FHOD3: variants seen among roughly 807,000 people sequenced by gnomAD.
FHOD3 encodes FH1/FH2 domain-containing protein 3.
A neutral mutation model predicts 173.0 loss-of-function variants in FHOD3; 90 were observed. The ratio of observed to expected loss-of-function variants is 0.52; its 90% CI spans 0.44 to 0.62. The LOEUF is 0.62. FHOD3 is among the 20% of genes least tolerant of loss of function. The pLI, the probability that FHOD3 is intolerant of heterozygous loss-of-function variation, is 0.00. For synonymous variants in FHOD3, 828 were observed against 823.0 expected (o/e 1.01, Z -0.10); for missense variants, 1,945 against 2,034.7 (o/e 0.96, Z 0.85).
intron 19 of FHOD3, among the ~76,000 whole-genome samples, chr18:36,722,103 A>G (rs1404887791): frequency 6.6e-6 from 1 of 152,214 alleles, no homozygotes; most frequent in Non-Finnish European, 1.5e-5. Flanking sequence ...ATCAGCTGGA[A>G]TTATATGGTA....
intron 10 of FHOD3, among the ~76,000 whole-genome samples, chr18:36,645,041 G>C (rs768542958): frequency 6.6e-6 from 1 of 152,206 alleles, no homozygotes; most frequent in Non-Finnish European, 1.5e-5. Flanking sequence ...GTGGCCTCAT[G>C]ATGGAGCTTG....
intron 18 of FHOD3, among the ~76,000 whole-genome samples, chr18:36,716,065 G>A (rs1306854778): frequency 2.0e-5 from 3 of 152,220 alleles, no homozygotes; most frequent in Non-Finnish European, 1.5e-5. Context: ...CCTTGTGAAC[G>A]TCATGTCATT....
chr18:36,681,350 A>T (rs532381585), intron 14 of FHOD3, 86 bp from the exon 15 acceptor site: 3 of 1,535,678 alleles, frequency 2.0e-6, no homozygotes, highest in Non-Finnish European at 2.7e-6. Context: ...CAGACCCTCA[A>T]TTCTAACCAA....
chr18:36,548,573 G>T (rs2057508863), intron 5 of FHOD3, among the ~76,000 whole-genome samples: 1 of 152,176 alleles, frequency 6.6e-6, no homozygotes, highest in South Asian at 2.1e-4. Context: ...AACGACTTGG[G>T]ATTCTCTTTT....
intron 5 of FHOD3, among the ~76,000 whole-genome samples, chr18:36,561,236 G>A (rs1363029816): frequency 6.6e-6 from 1 of 152,202 alleles, no homozygotes; most frequent in South Asian, 2.1e-4. Context: ...TATAAGGATG[G>A]CAAAACAATT....
At chr18:36,558,813 A>G (rs560658279) in intron 5 of FHOD3, among the ~76,000 whole-genome samples, 48 of 152,356 alleles carry the variant, frequency 3.2e-4, no homozygotes, top group African/African-American at 1.2e-3. Context: ...GTGTGTCATC[A>G]TTGGAACTTT....
At chr18:36,310,341 G>A (rs967071232) in intron 1 of FHOD3, among the ~76,000 whole-genome samples, 17 of 152,256 alleles carry the variant, frequency 1.1e-4, no homozygotes, top group Non-Finnish European at 1.2e-4. Context: ...ACAACTGAAG[G>A]CAGCATATGA....
At chr18:36,640,900 A>G (rs1600030262) in intron 10 of FHOD3, among the ~76,000 whole-genome samples, 2 of 152,280 alleles carry the variant, frequency 1.3e-5, no homozygotes, top group East Asian at 1.9e-4. Flanking sequence ...TTTAAGTTTC[A>G]TGGGGTAGCC....
chr18:36,768,726 A>C (rs2043245132), intron 27 of FHOD3, among the ~76,000 whole-genome samples: 1 of 152,124 alleles, frequency 6.6e-6, no homozygotes, highest in South Asian at 2.1e-4. Context: ...AGATAATTCA[A>C]AGATAAACTG....
intron 8 of FHOD3, among the ~76,000 whole-genome samples, chr18:36,605,972 G>C (rs2032023727): frequency 6.6e-6 from 1 of 152,096 alleles, no homozygotes; most frequent in South Asian, 2.1e-4. Context: ...TTCTAAAACT[G>C]ATTGCCTTGT....
intron 28 of FHOD3, among the ~76,000 whole-genome samples, chr18:36,772,337 G>A (rs1309853249): frequency 6.6e-6 from 1 of 152,202 alleles, no homozygotes; most frequent in African/African-American, 2.4e-5. Flanking sequence ...GAGGTTAAAG[G>A]AACAACAAAA....
At chr18:36,545,343 G>A (rs2057372759) in intron 5 of FHOD3, among the ~76,000 whole-genome samples, 1 of 152,348 alleles carries the variant, frequency 6.6e-6, no homozygotes, top group Admixed American at 6.5e-5. Context: ...TAAAGCAGGT[G>A]TGAGGCTTCT....
chr18:36,516,031 G>T (rs1003021581), intron 5 of FHOD3, among the ~76,000 whole-genome samples: 3 of 152,204 alleles, frequency 2.0e-5, no homozygotes, highest in African/African-American at 7.2e-5. Flanking sequence ...CGTGACATTT[G>T]CGTTTTCCTG....
intron 5 of FHOD3, among the ~76,000 whole-genome samples, chr18:36,522,888 G>A (rs1243335809): frequency 6.6e-6 from 1 of 152,208 alleles, no homozygotes; most frequent in Non-Finnish European, 1.5e-5. Flanking sequence ...GTGATGTGGA[G>A]GGCTTTTACT....
chr18:36,493,628 T>G (rs1599371623), intron 3 of FHOD3, among the ~76,000 whole-genome samples: 1 of 152,182 alleles, frequency 6.6e-6, no homozygotes, highest in Non-Finnish European at 1.5e-5. Flanking sequence ...CTCTGACTGG[T>G]GTTTGAAGAG....
intron 10 of FHOD3, among the ~76,000 whole-genome samples, chr18:36,633,783 G>A (rs1268547710): frequency 1.3e-5 from 2 of 152,190 alleles, no homozygotes; most frequent in Non-Finnish European, 2.9e-5. Context: ...CAGAGCAAAT[G>A]TTTTACTGGA....
intron 3 of FHOD3, among the ~76,000 whole-genome samples, chr18:36,418,212 A>T (rs1161079734): frequency 6.6e-6 from 1 of 152,232 alleles, no homozygotes; most frequent in East Asian, 1.9e-4. Flanking sequence ...ATTTCTGATT[A>T]GATTCAGAGT....
chr18:36,322,108 C>T (rs1439839990), intron 1 of FHOD3, among the ~76,000 whole-genome samples: 1 of 152,134 alleles, frequency 6.6e-6, no homozygotes, highest in Non-Finnish European at 1.5e-5. Flanking sequence ...AGCAAGGCCA[C>T]TGAGGTGGAG....
chr18:36,477,797 A>G (rs553242569), intron 3 of FHOD3, among the ~76,000 whole-genome samples: 2 of 152,174 alleles, frequency 1.3e-5, no homozygotes, highest in Non-Finnish European at 2.9e-5. Context: ...AGTGGGCAAC[A>G]CAGAGACAGT....
Sources: gnomAD v4.1 joint callset for allele counts (sites outside exome capture counted in the v4.1 genomes callset) on GRCh38, gnomAD v4.1.1 for gene constraint, MANE v1.5 for transcripts, NCBI Gene and HGNC (gene_info 2026-07-23, HGNC 2026-07-21) for gene names.